The following DGKB variants were observed in gnomAD, a reference collection of about 807,000 sequenced individuals.
The protein encoded by DGKB is diacylglycerol kinase beta.
Under a neutral mutation model 114.3 loss-of-function variants are expected in DGKB, and 67 were observed. That is an observed-to-expected ratio of 0.59 (90% confidence interval 0.48 to 0.72). The LOEUF (loss-of-function observed/expected upper bound fraction) is 0.72. Among genes scored for constraint, DGKB ranks in the 30% least tolerant of loss-of-function variants. The probability of loss-of-function intolerance (pLI) is 0.00; values close to 1 mark genes in which losing one functional copy is unlikely to be tolerated. For synonymous variants in DGKB, 398 were observed against 323.1 expected, an observed-to-expected ratio of 1.23 and a Z score of -2.49; for missense variants, 907 against 975.2, an observed-to-expected ratio of 0.93 and a Z score of 0.93.
rs1822323015 is a variant in DGKB at position 14,689,208 on chromosome 7, T to TTTATTTTTA, written c.712-3847_712-3846insTAAAAATAA. On this transcript the variant is annotated intron_variant, in intron 9 of 25. Coordinates refer to ENST00000402815, the MANE Select transcript of DGKB (RefSeq NM_001350709.2). ...GACAGAAACTCCTCTTATTTTTTTT[T>TTTATTTTTA]TTTTTTTTTTTTTTTTGAGAGGAGT... 3.6e-5 allele frequency among the ~76,000 whole-genome samples: 4 copies of TTTATTTTTA among 109,848 alleles called. No homozygotes were observed. In the East Asian group the frequency reaches 1.3e-3, roughly 36 times the overall value. 72.1% of individuals were successfully genotyped at this position (109,848 alleles called of 152,430 possible).
chr7:14,792,981 G>C (rs923360557), intron 2 of DGKB, among the ~76,000 whole-genome samples: 8 of 151,998 alleles, frequency 5.3e-5, no homozygotes, highest in African/African-American at 7.2e-5. Context: ...AAATAGAGAA[G>C]AAAAACACAG....
rs568833306 is a variant in DGKB, at chr7:14,491,883, T to A, written c.1771-13658A>T. On this transcript the variant is annotated intron_variant, in intron 20 of 25. Transcript: ENST00000402815. ...ATAGCTTAAAACCATGAGAGACTCA[T>A]AATTTATCTAACTTGTTAGAAAAAT... 3.3e-5 allele frequency among the ~76,000 whole-genome samples: 5 copies of A among 152,198 alleles called. No homozygotes were observed. In the South Asian group the frequency reaches 1.0e-3, roughly 32 times the overall value.
intron 19 of DGKB, among the ~76,000 whole-genome samples, chr7:14,580,496 CTTTG>C (rs1303100651): frequency 6.6e-6 from 1 of 152,100 alleles, no homozygotes; most frequent in Admixed American, 6.6e-5. Context: ...TTCATCTTTC[CTTTG>C]TTTGTGATTT....
intron 7 of DGKB, among the ~76,000 whole-genome samples, chr7:14,699,280 C>A (rs1314494969): frequency 6.6e-6 from 1 of 152,148 alleles, no homozygotes; most frequent in Non-Finnish European, 1.5e-5. Flanking sequence ...TGTATGCACA[C>A]ATGCATTACT....
chr7:14,907,853 G>T (rs1272259850), upstream of DGKB, among the ~76,000 whole-genome samples: 1 of 152,110 alleles, frequency 6.6e-6, no homozygotes, highest in African/African-American at 2.4e-5. Context: ...ATTAATTAGG[G>T]GAGAAGATAT....
At chr7:14,795,461 C>T (rs764175527) in intron 2 of DGKB, among the ~76,000 whole-genome samples, 1 of 152,130 alleles carries the variant, frequency 6.6e-6, no homozygotes, top group Non-Finnish European at 1.5e-5. Flanking sequence ...CATTTAAGGC[C>T]TACTTACCCA....
At position 14,578,346 on chromosome 7, in the gene DGKB, C is replaced by T. The variant is rs538580237; in HGVS notation, c.1609+2516G>A. The stretch of plus-strand genomic sequence containing the variant: ...TACAAACACTGTGCAAACAAGTTAT[C>T]GGTTTAGCACGAGAACCTACAAGGC... On this transcript the variant is annotated intron_variant, in intron 19 of 25. Coordinates refer to ENST00000402815, the MANE Select transcript of DGKB (RefSeq NM_001350709.2). 7.2e-5 allele frequency among the ~76,000 whole-genome samples: 11 copies of T among 152,194 alleles called. No individual in the cohort carries two copies. The South Asian group carries it at 8.3e-4, about 11-fold the overall frequency.
chr7:14,244,617 C>T (rs187522622), intron 23 of DGKB, among the ~76,000 whole-genome samples: 3 of 141,542 alleles, frequency 2.1e-5, no homozygotes, highest in African/African-American at 8.0e-5. Flanking sequence ...TTGCAGTGAG[C>T]TGAGATCACG....
intron 21 of DGKB, among the ~76,000 whole-genome samples, chr7:14,401,849 A>G (rs747398023): frequency 1.3e-5 from 2 of 151,782 alleles, no homozygotes; most frequent in Non-Finnish European, 2.9e-5. Context: ...ACTGGGGAAG[A>G]CTTTTTAATA....
chr7:14,609,653 T>C (rs1805153565), intron 16 of DGKB, among the ~76,000 whole-genome samples: 1 of 151,820 alleles, frequency 6.6e-6, no homozygotes, highest in Admixed American at 6.6e-5. Flanking sequence ...CCAGAATCTA[T>C]AAGAACTTAA....
chr7:14,640,853 C>T (rs1027325566), intron 13 of DGKB, among the ~76,000 whole-genome samples: 6 of 152,158 alleles, frequency 3.9e-5, no homozygotes, highest in African/African-American at 1.4e-4. Flanking sequence ...ATTACCTTTG[C>T]AAGGTGGAAT....
At chr7:14,606,686 G>GA (rs1400389565) in intron 17 of DGKB, among the ~76,000 whole-genome samples, 1 of 151,646 alleles carries the variant, frequency 6.6e-6, no homozygotes, top group African/African-American at 2.4e-5. Context: ...TTGACAGAAA[G>GA]AAAAGAGGTC....
At chr7:14,781,878 T>C (rs561610075) in intron 2 of DGKB, among the ~76,000 whole-genome samples, 5 of 152,202 alleles carry the variant, frequency 3.3e-5, no homozygotes, top group Admixed American at 1.3e-4. Context: ...AATCAGAAAA[T>C]GGTATTTTCT....
intron 20 of DGKB, among the ~76,000 whole-genome samples, chr7:14,538,623 A>T (rs2128613074): frequency 6.6e-6 from 1 of 152,288 alleles, no homozygotes; most frequent in South Asian, 2.1e-4. Context: ...TAGTGATCCC[A>T]CTTTTGAATA....
At position 14,680,590 on chromosome 7, in the gene DGKB, A is replaced by G. The variant is rs142481475; in HGVS notation, c.1035+1963T>C. On this transcript the variant is annotated intron_variant, in intron 12 of 25. Transcript: ENST00000402815. ...AAAGGAAAACAATGAGAAAAACAAA[A>G]AGCAAAACCATGAGGAAAACAAAAT... 9.4e-3 allele frequency among the ~76,000 whole-genome samples: 1,426 copies of G among 152,072 alleles called. 24 individuals carry two copies. Among genetic ancestry groups the G allele is most frequent in the African/African-American group, 0.032 (1,344 of 41,520 alleles).
At chr7:14,805,584 C>T (rs1842695894) in intron 2 of DGKB, among the ~76,000 whole-genome samples, 1 of 151,994 alleles carries the variant, frequency 6.6e-6, no homozygotes, top group South Asian at 2.1e-4. Flanking sequence ...CAAAGTCCAA[C>T]ATGTGTGCGT....
intron 2 of DGKB, among the ~76,000 whole-genome samples, chr7:14,814,824 A>T (rs1418830629): frequency 2.6e-5 from 4 of 152,164 alleles, no homozygotes; most frequent in Admixed American, 2.6e-4. Context: ...AGGTAACTTT[A>T]TTCATTTAAC....
In DGKB at chr7:14,438,823, A is replaced by G. The variant is rs528401996; in HGVS notation, c.1835+39338T>C. On this transcript the variant is annotated intron_variant, in intron 21 of 25. Transcript: ENST00000402815. ...TAAGTATCACCTAATTATCTTCCCTATATCTTTTGAAAGGTTAACACTTTC... is the reference window on the plus strand; with the variant it reads ...TAAGTATCACCTAATTATCTTCCCTGTATCTTTTGAAAGGTTAACACTTTC... 7.9e-5 allele frequency among the ~76,000 whole-genome samples: 12 copies of G among 152,224 alleles called. No homozygotes were observed. In the East Asian group the frequency reaches 2.1e-3, roughly 27 times the overall value.
intron 23 of DGKB, among the ~76,000 whole-genome samples, chr7:14,330,672 T>C (rs1809568726): frequency 6.6e-6 from 1 of 151,978 alleles, no homozygotes; most frequent in Non-Finnish European, 1.5e-5. Flanking sequence ...GAAAAGGTAA[T>C]TTGTATACCT....
Sources: gnomAD v4.1 joint callset for allele counts (sites outside exome capture counted in the v4.1 genomes callset) on GRCh38, gnomAD v4.1.1 for gene constraint, MANE v1.5 for transcripts, NCBI Gene and HGNC (gene_info 2026-07-23, HGNC 2026-07-21) for gene names.